Variants in CCDC39 observed in about 807,000 individuals in gnomAD.
CCDC39 encodes coiled-coil domain-containing protein 39.
CCDC39 carries 113 observed loss-of-function variants against 121.0 expected under a neutral mutation model. The ratio of observed to expected loss-of-function variants is 0.93; its 90% CI spans 0.80 to 1.09. CCDC39 has a LOEUF of 1.09. Ranked by LOEUF, CCDC39 falls within the 50% of genes least tolerant of loss-of-function variation. The pLI, the probability that CCDC39 is intolerant of heterozygous loss-of-function variation, is 0.00. For missense variants in CCDC39, 1,063 were observed against 1,074.7 expected, an observed-to-expected ratio of 0.99 and a Z score of 0.15; for synonymous variants, 349 against 352.2, an observed-to-expected ratio of 0.99 and a Z score of 0.10.
At position 180,614,731 on chromosome 3, in the gene CCDC39, A is replaced by C. The variant is rs1158165006; in HGVS notation, c.*190T>G. 1.9e-6 allele frequency: 1 copy of C among 513,236 alleles called. No homozygotes were observed. Among genetic ancestry groups the C allele is most frequent in the Admixed American group, 3.9e-5 (1 of 25,666 alleles). The allele number at this position is 513,236 out of a possible 1,614,324, so 31.8% of individuals were successfully genotyped here. A position where few individuals can be genotyped will look rare whatever the true frequency, so the allele number is the denominator to read the frequency against. On this transcript the variant is annotated 3_prime_UTR_variant, in exon 20 of 20. Transcript: ENST00000476379. ...CATGTAGCCTTGTCAAGAATCTGCT[A>C]TTAATTTCTTCAGTATGAAGAAAAC...
chr3:180,647,384 AG>A, intron 10 of CCDC39, 141 bp from the exon 11 acceptor site: 1 of 689,222 alleles, frequency 1.5e-6, no homozygotes, highest in Non-Finnish European at 2.3e-6. Context: ...TCAGTAATTC[AG>A]GATAAAATCC....
chr3:180,637,863 G>T lies in CCDC39; in HGVS notation c.1874+4130C>A, dbSNP rs929073906. ...AAACACTGCATGTTCTCACTTATAA[G>T]TGGGAGCTAAATGATAACTCATGGA... On this transcript the variant is annotated intron_variant, in intron 13 of 19. Transcript: ENST00000476379. Among the ~76,000 whole-genome samples, 4 of 152,170 alleles carry T rather than the reference G, an allele frequency of 2.6e-5. 1 individual carries two copies. Among genetic ancestry groups the T allele is most frequent in the African/African-American group, 9.7e-5 (4 of 41,444 alleles).
At chr3:180,664,079 AT>A (rs769867047) in intron 1 of CCDC39, 93 bp from the exon 2 acceptor site, 42 of 1,172,758 alleles carry the variant, frequency 3.6e-5, no homozygotes, top group Non-Finnish European at 5.1e-5. Context: ...TTTCATTTAC[AT>A]TGTCTTAGTC....
chr3:180,638,265 A>T (rs1487132466), intron 13 of CCDC39, among the ~76,000 whole-genome samples: 2 of 152,154 alleles, frequency 1.3e-5, no homozygotes, highest in African/African-American at 4.8e-5. Context: ...TTAATCTGTA[A>T]TCAGACTTCT....
At chr3:180,655,724 G>T (rs7622189) in intron 6 of CCDC39, among the ~76,000 whole-genome samples, 1,578 of 152,142 alleles carry the variant, frequency 0.01, 29 homozygotes, top group African/African-American at 0.036. Context: ...AGATGAAAGA[G>T]ATAAAGCTGG....
At position 180,615,051 on chromosome 3, in the gene CCDC39, G is replaced by C; in HGVS notation, c.2696C>G (p.Thr899Ser). ...CAGTACTTTAATTGAAGACTGAGAA[G>C]TAGATGTACTTGTACTCCTAGATGA... ...ARSSRSTSTS[T>S]SQSSIKVLEL... The change falls in exon 20 of 20, where the codon ACT becomes AGT. Residue 899 changes from threonine to serine, a missense_variant. Coordinates refer to ENST00000476379, the MANE Select transcript of CCDC39 (RefSeq NM_181426.2). 6.5e-7 allele frequency: 1 copy of C among 1,549,966 alleles called. No homozygotes were observed. Among genetic ancestry groups the C allele is most frequent in the East Asian group, 2.4e-5 (1 of 42,160 alleles).
rs75497900 is a variant in CCDC39 at position 180,656,199 on chromosome 3, T to C, written c.739-1246A>G. On this transcript the variant is annotated intron_variant, in intron 6 of 19. Coordinates refer to ENST00000476379, the MANE Select transcript of CCDC39 (RefSeq NM_181426.2). ...TCCTAAGTTTAAATATTTCAGAATA[T>C]GAATCCAGAGTTTCTTGCCTTATGA... 4.2e-4 allele frequency among the ~76,000 whole-genome samples: 64 copies of C among 152,334 alleles called. No individual in the cohort carries two copies. The East Asian group carries it at 0.011, about 27-fold the overall frequency.
rs1462663999 is a variant in CCDC39, at chr3:180,654,240, AAAG to A, written c.930+519_930+521del. Among the ~76,000 whole-genome samples, 128 of 139,734 alleles carry A rather than the reference AAAG, an allele frequency of 9.2e-4. 1 individual carries two copies. The highest frequency in any genetic ancestry group is 4.0e-3 in the African/African-American group (123 of 30,716). The allele number at this position is 139,734 out of a possible 152,430, so 91.7% of individuals were successfully genotyped here. On this transcript the variant is annotated intron_variant, in intron 7 of 19. Transcript: ENST00000476379. ...CACACGCAAAAAAAAAAAAAAAAAA[AAAG>A]AGAGAAAGAAATTGGGCTTTTCTCT...
intron 14 of CCDC39, among the ~76,000 whole-genome samples, chr3:180,626,360 G>C (rs917702483): frequency 6.6e-6 from 1 of 152,138 alleles, no homozygotes; most frequent in African/African-American, 2.4e-5. Context: ...CCTTTAAGGA[G>C]GTTCTGGCTG....
intron 3 of CCDC39, 41 bp downstream of exon 3, chr3:180,661,820 G>A (rs1391966564): frequency 1.3e-6 from 2 of 1,515,870 alleles, no homozygotes; most frequent in Non-Finnish European, 1.8e-6. Flanking sequence ...ATGGAAGAAT[G>A]AGCAGTAGCA....
At position 180,640,016 on chromosome 3, in the gene CCDC39, C is replaced by T. The variant is rs560803081; in HGVS notation, c.1874+1977G>A. Among the ~76,000 whole-genome samples the T allele has an allele frequency of 1.2e-4, 18 of 151,968 alleles. No homozygotes were observed. In the South Asian group the frequency reaches 1.9e-3, roughly 16 times the overall value. ...ATGTTAAACTCTTGAAAATGCAATC[C>T]GAACTATATGGATGAAAAGGAGATC... is the stretch of plus-strand genomic sequence containing the variant. On this transcript the variant is annotated intron_variant, in intron 13 of 19. Coordinates refer to ENST00000476379, the MANE Select transcript of CCDC39 (RefSeq NM_181426.2).
At chr3:180,650,450 C>T (rs999761119) in intron 9 of CCDC39, among the ~76,000 whole-genome samples, 1 of 152,090 alleles carries the variant, frequency 6.6e-6, no homozygotes, top group African/African-American at 2.4e-5. Flanking sequence ...AACAAAGCCA[C>T]TTTTTGAACT....
chr3:180,632,735 T>C (rs560888422), intron 13 of CCDC39, among the ~76,000 whole-genome samples: 53 of 151,056 alleles, frequency 3.5e-4, no homozygotes, highest in African/African-American at 1.2e-3. Context: ...GGAAAAAAAA[T>C]AGACACACAC....
At chr3:180,658,866 C>T (rs1711660402) in intron 6 of CCDC39, among the ~76,000 whole-genome samples, 2 of 152,132 alleles carry the variant, frequency 1.3e-5, no homozygotes, top group Admixed American at 1.3e-4. Flanking sequence ...CAAATCTTCC[C>T]ACTTTTATTC....
Position 180,616,599 on chromosome 3 carries a change from G to A in CCDC39, c.2503C>T (p.His835Tyr). The A allele has an allele frequency of 6.2e-7, 1 of 1,600,540 alleles. No individual in the cohort carries two copies. Among genetic ancestry groups the A allele is most frequent in the Non-Finnish European group, 8.5e-7 (1 of 1,173,606 alleles). The change falls in exon 18 of 20, where the codon CAC (histidine) becomes TAC (tyrosine). Residue 835 changes from histidine to tyrosine, a missense_variant. By Grantham distance (83) the His-to-Tyr change is moderately conservative. Coordinates refer to ENST00000476379, the MANE Select transcript of CCDC39 (RefSeq NM_181426.2). ...DIKLREMKQF[H>Y]KVIDEMLVDI... is the part of the protein sequence containing the mutation. ...ACTAACATTTCATCAATAACTTTGT[G>A]AAACTGTTTCATTTCACGAAGTTTG... is the stretch of plus-strand genomic sequence containing the variant.
At chr3:180,615,272 G>A (rs1717187979) in intron 19 of CCDC39, among the ~76,000 whole-genome samples, 195 bp from the exon 20 acceptor site, 1 of 152,068 alleles carries the variant, frequency 6.6e-6, no homozygotes, top group African/African-American at 2.4e-5. Flanking sequence ...GAACATAGAT[G>A]AGTTTCAAAC....
Position 180,675,253 on chromosome 3 carries a change from C to T in CCDC39, c.90+4038G>A, listed in dbSNP as rs192953735. On this transcript the variant is annotated intron_variant, in intron 1 of 19. Coordinates refer to ENST00000476379, the MANE Select transcript of CCDC39 (RefSeq NM_181426.2). Reference sequence around the variant, plus strand: ...AATGTATCCATTTCTTCTAGATTTTCTAGTTTACTTGCATAGAGGTGTTTA... The same window carrying T: ...AATGTATCCATTTCTTCTAGATTTTTTAGTTTACTTGCATAGAGGTGTTTA... 9.0e-3 allele frequency among the ~76,000 whole-genome samples: 1,367 copies of T among 152,270 alleles called. 9 individuals carry two copies. Among genetic ancestry groups the T allele is most frequent in the Non-Finnish European group, 0.014 (927 of 68,020 alleles).
chr3:180,654,929 T>C lies in CCDC39; in HGVS notation c.763A>G (p.Thr255Ala). The change falls in exon 7 of 20, where the codon ACG becomes GCG. Residue 255 changes from threonine (T) to alanine (A), a missense_variant. Thr to Ala is a moderately conservative substitution (Grantham distance 58). Transcript: ENST00000476379. ...ALELARIKQE[T>A]REKENLVKEK... ...TTAACCAAATTTTCTTTTTCTCTCG[T>C]TTCCTGCTTTATCCTTGCTAATTCC... The C allele has an allele frequency of 1.3e-6, 2 of 1,579,814 alleles. No homozygotes were observed. Among genetic ancestry groups the C allele is most frequent in the Non-Finnish European group, 1.7e-6 (2 of 1,166,122 alleles).
Position 180,660,631 on chromosome 3 carries a change from T to C in CCDC39, c.455A>G (p.His152Arg). 6.2e-7 allele frequency: 1 copy of C among 1,603,014 alleles called. No individual in the cohort carries two copies. Among genetic ancestry groups the C allele is most frequent in the South Asian group, 1.1e-5 (1 of 89,068 alleles). ...GAGAGTGAGAGCATCACTATCTTTA[T>C]GAGCTGATTCTTCTAACCAGGCCTC... The part of the protein sequence containing the change: ...ALEAWLEESA[H>R]KDSDALTLQK... Residue 152 changes from histidine to arginine, a missense_variant, in exon 4 of 20, where the codon CAT becomes CGT. Transcript: ENST00000476379.
Sources: allele counts gnomAD v4.1 joint callset (sites outside exome capture counted in the v4.1 genomes callset), GRCh38; gene constraint gnomAD v4.1.1; transcripts MANE v1.5; gene names NCBI Gene and HGNC (gene_info 2026-07-23, HGNC 2026-07-21).